GPHN: variants seen among roughly 807,000 people sequenced by gnomAD.
GPHN encodes the protein gephyrin.
GPHN carries 17 observed loss-of-function variants against 95.5 expected under a neutral mutation model. The observed-to-expected ratio is 0.18, with a 90% CI of 0.12 to 0.27. GPHN has a LOEUF of 0.27. GPHN is among the 10% of genes least tolerant of loss of function. The pLI is 1.00. For missense variants in GPHN, 660 were observed against 978.1 expected (o/e 0.67, Z 4.34); for synonymous variants, 320 against 322.5 (o/e 0.99, Z 0.08).
intron 1 of GPHN, among the ~76,000 whole-genome samples, chr14:66,530,548 G>A (rs530352385): frequency 1.3e-5 from 2 of 152,118 alleles, no homozygotes; most frequent in East Asian, 1.9e-4. Flanking sequence ...CTGTCCAAAC[G>A]ACCACTCAGT....
chr14:67,533,289 C>G, the GPHN span: 3 of 151,878 alleles, frequency 2.0e-5, no homozygotes, highest in Non-Finnish European at 2.9e-5. Context: ...AGGGGAGAAC[C>G]GGCGGCAGCC....
chr14:66,800,586 TTTA>T (rs1451650733), intron 3 of GPHN, among the ~76,000 whole-genome samples: 2 of 151,866 alleles, frequency 1.3e-5, no homozygotes, highest in African/African-American at 4.8e-5. Flanking sequence ...TAGTTTTTTT[TTTA>T]TTTTTCTCAT....
intron 8 of GPHN, among the ~76,000 whole-genome samples, chr14:66,937,565 A>G (rs1360574209): frequency 6.6e-6 from 1 of 152,008 alleles, no homozygotes; most frequent in Non-Finnish European, 1.5e-5. Flanking sequence ...TTTTTAGTAC[A>G]GACAGGGTTT....
intron 17 of GPHN, among the ~76,000 whole-genome samples, chr14:67,135,875 T>G (rs184507278): frequency 1.3e-5 from 2 of 152,176 alleles, no homozygotes; most frequent in Non-Finnish European, 2.9e-5. Context: ...CTGCATGACT[T>G]CTATCTTTTG....
chr14:66,985,653 T>G, intron 9 of GPHN: 1 of 1,467,484 alleles, frequency 6.8e-7, no homozygotes, highest in Non-Finnish European at 9.2e-7. Flanking sequence ...CTTTATTCTG[T>G]CTTTCTTACC....
chr14:66,547,843 G>C (rs551165462), intron 1 of GPHN, among the ~76,000 whole-genome samples: 1 of 152,172 alleles, frequency 6.6e-6, no homozygotes, highest in South Asian at 2.1e-4. Flanking sequence ...CCTTTCACAG[G>C]GTGATGGTTA....
the GPHN span, chr14:67,279,089 G>T: frequency 4.6e-6 from 6 of 1,318,432 alleles, no homozygotes; most frequent in East Asian, 7.8e-5. Context: ...AAGTAACATG[G>T]ATTTTATACT....
intron 1 of GPHN, among the ~76,000 whole-genome samples, chr14:66,572,483 TG>T (rs2060734824): frequency 1.4e-5 from 1 of 70,534 alleles, no homozygotes; most frequent in Admixed American, 2.2e-4. Context: ...TTTATTCCTC[TG>T]TGTGTGTGTG....
the GPHN span, among the ~76,000 whole-genome samples, chr14:67,625,850 G>A: frequency 6.6e-6 from 1 of 151,540 alleles, no homozygotes; most frequent in Non-Finnish European, 1.5e-5. Context: ...AATAACAACC[G>A]TAAAAAGACA....
the GPHN span, among the ~76,000 whole-genome samples, chr14:67,362,631 T>C: frequency 1.3e-5 from 2 of 152,164 alleles, no homozygotes; most frequent in Non-Finnish European, 2.9e-5. Flanking sequence ...GAGTTTACTA[T>C]GTTAATTGCC....
At chr14:67,168,690 T>G (rs1221574958) in intron 20 of GPHN, among the ~76,000 whole-genome samples, 2 of 152,190 alleles carry the variant, frequency 1.3e-5, no homozygotes, top group Non-Finnish European at 2.9e-5. Flanking sequence ...CGGAAATAAA[T>G]GGCGTTAAAC....
chr14:67,507,473 G>C, the GPHN span, among the ~76,000 whole-genome samples: 84 of 152,206 alleles, frequency 5.5e-4, no homozygotes, highest in African/African-American at 1.8e-3. Context: ...GGAGTCCCCA[G>C]GGTCTCGGTC....
At chr14:67,646,515 C>A in the GPHN span, 1 of 684,832 alleles carries the variant, frequency 1.5e-6, no homozygotes, top group Non-Finnish European at 2.6e-6. Context: ...CAAGTGTGTC[C>A]TGTGTTGCTC....
intron 1 of GPHN, among the ~76,000 whole-genome samples, chr14:66,564,124 A>C (rs956139137): frequency 3.9e-5 from 6 of 152,082 alleles, no homozygotes; most frequent in African/African-American, 1.4e-4. Context: ...ATTCCTTATT[A>C]AATTATAGGG....
chr14:67,385,409 G>A, the GPHN span: 3 of 148,258 alleles, frequency 2.0e-5, no homozygotes, highest in Non-Finnish European at 4.5e-5. Context: ...CAGTGCACTC[G>A]AGCCTGGGTG....
chr14:67,711,331 GA>G, the GPHN span, among the ~76,000 whole-genome samples: 2 of 152,120 alleles, frequency 1.3e-5, no homozygotes, highest in African/African-American at 4.8e-5. Context: ...TAATAAGTAT[GA>G]AATTGCTTGA....
intron 3 of GPHN, among the ~76,000 whole-genome samples, chr14:66,807,854 T>C (rs1425831936): frequency 1.3e-5 from 2 of 152,238 alleles, no homozygotes; most frequent in Non-Finnish European, 2.9e-5. Context: ...ACATGTCTTT[T>C]AGTGCACATA....
At chr14:67,205,828 GGA>G in the GPHN span, among the ~76,000 whole-genome samples, 1 of 152,168 alleles carries the variant, frequency 6.6e-6, no homozygotes, top group East Asian at 1.9e-4. Flanking sequence ...TCTAATGGCA[GGA>G]TGGATTATAG....
At chr14:67,146,300 T>C (rs1032913193) in intron 18 of GPHN, among the ~76,000 whole-genome samples, 3 of 152,116 alleles carry the variant, frequency 2.0e-5, no homozygotes, top group Non-Finnish European at 4.4e-5. Flanking sequence ...CCTAAAGATC[T>C]CTCCCCTCCT....
Sources: allele counts gnomAD v4.1 joint callset (sites outside exome capture counted in the v4.1 genomes callset), GRCh38; gene constraint gnomAD v4.1.1; transcripts MANE v1.5; gene names NCBI Gene and HGNC (gene_info 2026-07-23, HGNC 2026-07-21).